The following COL11A2 variants were observed in gnomAD, a reference collection of about 807,000 sequenced individuals.
COL11A2 encodes collagen type XI alpha 2 chain, also known as collagen alpha-2(XI) chain.
In COL11A2, 116 loss-of-function variants were observed where a neutral mutation model predicts 273.4. That is an observed-to-expected ratio of 0.42 (90% CI 0.36 to 0.49). COL11A2 has a LOEUF of 0.49. Among genes scored for constraint, COL11A2 ranks in the 20% least tolerant of loss-of-function variants. The probability of loss-of-function intolerance (pLI) is 0.00; values close to 1 mark genes in which losing one functional copy is unlikely to be tolerated. For synonymous variants in COL11A2, 782 were observed against 864.2 expected (o/e 0.90, Z 1.67); for missense variants, 1,866 against 2,309.0 (o/e 0.81, Z 3.93).
Position 33,169,523 on chromosome 6 carries a change from G to A in COL11A2, c.3691-33C>T. 6.2e-7 allele frequency: 1 copy of A among 1,601,486 alleles called. No homozygotes were observed. Reference sequence around the variant, plus strand: ...ACAAGCGGAGGACACAGATGGCCCAGGGAATCTTGAAGATCAGGGATGCAG... The same window carrying A: ...ACAAGCGGAGGACACAGATGGCCCAAGGAATCTTGAAGATCAGGGATGCAG... On this transcript the variant is annotated intron_variant, in intron 50 of 65. Coordinates refer to ENST00000341947, the MANE Select transcript of COL11A2 (RefSeq NM_080680.3). The surrounding 1 kb of genome is among the most constrained non-coding windows in gnomAD (Gnocchi z 5.5).
In COL11A2 at chr6:33,169,635, T is replaced by C; in HGVS notation, c.3691-145A>G. 1 of 1,055,728 alleles carries C rather than the reference T, an allele frequency of 9.5e-7. No homozygotes were observed. The highest frequency in any genetic ancestry group is 1.6e-5 in the African/African-American group (1 of 63,596). The allele number at this position is 1,055,728 out of a possible 1,614,324, so 65.4% of individuals were successfully genotyped here. ...CAGAAAGTCAAGCCTACAAGGGGAG[T>C]TCCCTAGTCCCCTTCCCTTCAAGAA... On this transcript the variant is annotated intron_variant, in intron 50 of 65. Transcript: ENST00000341947. The surrounding 1 kb of genome is among the most constrained non-coding windows in gnomAD (Gnocchi z 5.5).
Position 33,175,684 on chromosome 6 carries a change from G to A in COL11A2, c.2269-3C>T. The stretch of plus-strand genomic sequence containing the variant: ...GAACCAGGGACTCCAACTTCGCCCT[G>A]TGTGAGAGGGAAGGACAGGTGAGTG... On this transcript the variant is annotated splice_polypyrimidine_tract_variant and splice_region_variant and intron_variant, in intron 29 of 65. Coordinates refer to ENST00000341947, the MANE Select transcript of COL11A2 (RefSeq NM_080680.3). 6.2e-7 allele frequency: 1 copy of A among 1,612,548 alleles called. No homozygotes were observed.
chr6:33,163,533 G>T lies in COL11A2; in HGVS notation c.*145C>A. 2 of 1,308,588 alleles carry T rather than the reference G, an allele frequency of 1.5e-6. No individual in the cohort carries two copies. Among genetic ancestry groups the T allele is most frequent in the Non-Finnish European group, 2.2e-6 (2 of 920,050 alleles). 81.1% of individuals were successfully genotyped at this position (1,308,588 alleles called of 1,614,324 possible). A position where few individuals can be genotyped will look rare whatever the true frequency, so the allele number is the denominator to read the frequency against. On this transcript the variant is annotated 3_prime_UTR_variant, in exon 66 of 66. Coordinates refer to ENST00000341947, the MANE Select transcript of COL11A2 (RefSeq NM_080680.3). The surrounding 1 kb of genome is among the most constrained non-coding windows in gnomAD (Gnocchi z 4.1). ...CAGGCAACCACTTCACCCCTCCCCT[G>T]GCCTGCCCCGACTGAGGGCTCTCCA...
Position 33,171,744 on chromosome 6 carries a change from G to C in COL11A2, c.3119C>G (p.Pro1040Arg). Residue 1040 changes from proline to arginine, a missense_variant, in exon 42 of 66, where the codon CCC becomes CGC. Transcript: ENST00000341947. ...ACCTTTCTCTCCTGCTGCTCCAGGG[G>C]GACCCTGCGGGCCTGGGCGCCCTGG... The part of the protein sequence containing the change: ...GPPGRPGPQG[P>R]PGAAGEKGVP... The C allele has an allele frequency of 6.2e-7, 1 of 1,613,026 alleles. No individual in the cohort carries two copies. Among genetic ancestry groups the C allele is most frequent in the East Asian group, 2.2e-5 (1 of 44,876 alleles).
In COL11A2 at chr6:33,178,298, G is replaced by A. The variant is rs1409448626; in HGVS notation, c.1818+10C>T. 1.9e-6 allele frequency: 3 copies of A among 1,612,686 alleles called. No homozygotes were observed. The Admixed American group carries it at 5.0e-5, about 27-fold the overall frequency. ...GCCCCCTCCCCCAGCACCAGCCCTT[G>A]GACACTCACCGACTCTCCAGGCAGC... On this transcript the variant is annotated intron_variant, in intron 20 of 65. Coordinates refer to ENST00000341947, the MANE Select transcript of COL11A2 (RefSeq NM_080680.3). This position sits in a 1 kb window ranked among gnomAD's most constrained non-coding sequence, Gnocchi z 4.6.
Position 33,176,137 on chromosome 6 carries a change from G to A in COL11A2, c.2215-68C>T. ...GCTGGGGTTCTAATGGGAATTCTGAGAACATAGGTGGAAGCAGGGGCTCGG... is the reference window on the plus strand; with the variant it reads ...GCTGGGGTTCTAATGGGAATTCTGAAAACATAGGTGGAAGCAGGGGCTCGG... On this transcript the variant is annotated intron_variant, in intron 28 of 65. Coordinates refer to ENST00000341947, the MANE Select transcript of COL11A2 (RefSeq NM_080680.3). This position sits in a 1 kb window ranked among gnomAD's most constrained non-coding sequence, Gnocchi z 4.9. 6.2e-7 allele frequency: 1 copy of A among 1,609,108 alleles called. No individual in the cohort carries two copies. Among genetic ancestry groups the A allele is most frequent in the Non-Finnish European group, 8.5e-7 (1 of 1,176,420 alleles).
rs1771157452 is a variant in COL11A2 at position 33,177,967 on chromosome 6, G to A, written c.1872+165C>T. 1 of 830,130 alleles carries A rather than the reference G, an allele frequency of 1.2e-6. No homozygotes were observed. Among genetic ancestry groups the A allele is most frequent in the South Asian group, 1.7e-5 (1 of 59,584 alleles). 51.4% of individuals were successfully genotyped at this position (830,130 alleles called of 1,614,324 possible). On this transcript the variant is annotated intron_variant, in intron 21 of 65. Transcript: ENST00000341947. The surrounding 1 kb of genome is among the most constrained non-coding windows in gnomAD (Gnocchi z 5.9). Reference sequence around the variant, plus strand: ...CGCCACATGGCCCTCCCTGTGCACGGGGAGCGAATGCTGAGGCAGGGCAGT... The same window carrying A: ...CGCCACATGGCCCTCCCTGTGCACGAGGAGCGAATGCTGAGGCAGGGCAGT...
intron 6 of COL11A2, 48 bp downstream of exon 6, chr6:33,185,653 G>A (rs1208769320): frequency 5.6e-6 from 5 of 891,636 alleles, no homozygotes; most frequent in Admixed American, 1.9e-5. Flanking sequence ...GATGATTGCT[G>A]GGGGTGCTGG....
At chr6:33,168,321 A>C (rs1769486719) in intron 54 of COL11A2, among the ~76,000 whole-genome samples, 198 bp downstream of exon 54, 1 of 149,904 alleles carries the variant, frequency 6.7e-6, no homozygotes. Flanking sequence ...CCTTAAACCC[A>C]CCAGCTCCTG....
chr6:33,170,749 G>C lies in COL11A2; in HGVS notation c.3474+61C>G, dbSNP rs1769921638. 1.3e-6 allele frequency: 2 copies of C among 1,597,178 alleles called. No individual in the cohort carries two copies. Among genetic ancestry groups the C allele is most frequent in the South Asian group, 2.2e-5 (2 of 90,732 alleles). ...ATCGGCAGGCTGCTGGCAGAGTCTG[G>C]GGCAAAACATCACCCCATCCTGACC... On this transcript the variant is annotated intron_variant, in intron 46 of 65. Transcript: ENST00000341947. This position sits in a 1 kb window ranked among gnomAD's most constrained non-coding sequence, Gnocchi z 4.3.
intron 29 of COL11A2, 128 bp downstream of exon 29, chr6:33,175,888 C>A: frequency 8.0e-7 from 1 of 1,249,478 alleles, no homozygotes; most frequent in Non-Finnish European, 1.2e-6. Context: ...AGGGGTCAGG[C>A]TCCCAAGGGA....
Position 33,173,847 on chromosome 6 carries a change from G to A in COL11A2, c.2583+26C>T. 1 of 1,613,898 alleles carries A rather than the reference G, an allele frequency of 6.2e-7. No individual in the cohort carries two copies. The highest frequency in any genetic ancestry group is 8.5e-7 in the Non-Finnish European group (1 of 1,179,790). On this transcript the variant is annotated intron_variant, in intron 34 of 65. Transcript: ENST00000341947. The surrounding 1 kb of genome is among the most constrained non-coding windows in gnomAD (Gnocchi z 6.3). ...GCTGGGGCTGAGTGGGCAGGGGGCA[G>A]TTGGAGCCTTGTAGAGACCATTCAC...
At position 33,165,701 on chromosome 6, in the gene COL11A2, G is replaced by C; in HGVS notation, c.4598C>G (p.Ala1533Gly). ...CTCCAGCCCCCCAGGACTGCCGGGG[G>C]CTCCCCCGGTCGGTATGGCCTCATC... ...QEDEAIPTGG[A>G]PGSPGGLEEI... The change falls in exon 63 of 66, where the codon GCC becomes GGC. Residue 1533 changes from alanine to glycine, a missense_variant. Physicochemically the swap from Ala to Gly is moderately conservative, Grantham distance 60 (BLOSUM62 0). Coordinates refer to ENST00000341947, the MANE Select transcript of COL11A2 (RefSeq NM_080680.3). This position sits in a 1 kb window ranked among gnomAD's most constrained non-coding sequence, Gnocchi z 7.7. The C allele has an allele frequency of 6.2e-7, 1 of 1,611,036 alleles. No homozygotes were observed. The highest frequency in any genetic ancestry group is 1.1e-5 in the South Asian group (1 of 91,068).
Position 33,172,069 on chromosome 6 carries a change from G to A in COL11A2, c.3023C>T (p.Ser1008Phe). The A allele has an allele frequency of 6.2e-7, 1 of 1,613,022 alleles. No individual in the cohort carries two copies. Among genetic ancestry groups the A allele is most frequent in the Non-Finnish European group, 8.5e-7 (1 of 1,180,016 alleles). ...GPGLKGNEGP[S>F]GPPGPAGSPG... The stretch of plus-strand genomic sequence containing the variant: ...ACTCACTGCAGGGCCAGGGGGGCCA[G>A]ACGGACCTTCATTCCCCTTCAAACC... Residue 1008 changes from serine to phenylalanine, a missense_variant, in exon 41 of 66, where the codon TCT becomes TTT. By Grantham distance (155) the Ser-to-Phe change is radical. Coordinates refer to ENST00000341947, the MANE Select transcript of COL11A2 (RefSeq NM_080680.3).
chr6:33,169,276 C>A lies in COL11A2; in HGVS notation c.3798+107G>T. 1 of 1,079,558 alleles carries A rather than the reference C, an allele frequency of 9.3e-7. No individual in the cohort carries two copies. Among genetic ancestry groups the A allele is most frequent in the South Asian group, 1.4e-5 (1 of 73,782 alleles). 66.9% of individuals were successfully genotyped at this position (1,079,558 alleles called of 1,614,324 possible). On this transcript the variant is annotated intron_variant, in intron 51 of 65. Coordinates refer to ENST00000341947, the MANE Select transcript of COL11A2 (RefSeq NM_080680.3). This position sits in a 1 kb window ranked among gnomAD's most constrained non-coding sequence, Gnocchi z 5.5. The stretch of plus-strand genomic sequence containing the variant: ...CCCCATTCCCAGAGCATCCCCCAAA[C>A]TCCCGGGCTCCCCACACTCCAAGAT...
At chr6:33,168,898 A>AT (rs1554214750) in intron 52 of COL11A2, 57 bp downstream of exon 52, 2 of 1,519,618 alleles carry the variant, frequency 1.3e-6, no homozygotes, top group Non-Finnish European at 1.8e-6. Context: ...CACACAGAGG[A>AT]CCCCCCCATA....
At chr6:33,191,994 A>C (rs1211944604) in intron 1 of COL11A2, among the ~76,000 whole-genome samples, 165 bp downstream of exon 1, 2 of 152,196 alleles carry the variant, frequency 1.3e-5, no homozygotes, top group East Asian at 3.9e-4. Flanking sequence ...TCCTACCCTG[A>C]TGCCAAGGAA....
chr6:33,180,141 T>A (rs1323407047), intron 12 of COL11A2, 117 bp downstream of exon 12: 1 of 1,102,908 alleles, frequency 9.1e-7, no homozygotes, highest in Non-Finnish European at 1.4e-6. Context: ...GGAGTGATGA[T>A]CTTTGATGAT....
In COL11A2 at chr6:33,173,679, G is replaced by A; in HGVS notation, c.2628+22C>T. 6.4e-7 allele frequency: 1 copy of A among 1,563,604 alleles called. No homozygotes were observed. Among genetic ancestry groups the A allele is most frequent in the South Asian group, 1.2e-5 (1 of 83,394 alleles). ...GGCTCCCTGGGGACCTCAGGGGAAG[G>A]GGACTTTCGATCCACACTCACCCTC... On this transcript the variant is annotated intron_variant, in intron 35 of 65. Coordinates refer to ENST00000341947, the MANE Select transcript of COL11A2 (RefSeq NM_080680.3). This position sits in a 1 kb window ranked among gnomAD's most constrained non-coding sequence, Gnocchi z 6.3.
Sources: gnomAD v4.1 joint callset for allele counts (sites outside exome capture counted in the v4.1 genomes callset) on GRCh38, gnomAD v4.1.1 for gene constraint, Gnocchi (gnomAD v3.1) non-coding constraint, MANE v1.5 for transcripts, NCBI Gene and HGNC (gene_info 2026-07-23, HGNC 2026-07-21) for gene names.